CSMD1: variants seen among roughly 807,000 people sequenced by gnomAD.
CSMD1 encodes the protein CUB and sushi domain-containing protein 1.
In CSMD1, 213 loss-of-function variants were observed where a neutral mutation model predicts 417.5. The observed-to-expected ratio is 0.51, with a 90% CI of 0.46 to 0.57. CSMD1 has a LOEUF of 0.57. CSMD1 is among the 20% of genes least tolerant of loss of function. The pLI is 0.00. For missense variants in CSMD1, 6,923 were observed against 4,529.7 expected, an observed-to-expected ratio of 1.53 and a Z score of -15.17; for synonymous variants, 2,862 against 1,736.8, an observed-to-expected ratio of 1.65 and a Z score of -16.11.
intron 5 of CSMD1, among the ~76,000 whole-genome samples, chr8:3,926,289 G>C (rs1375892257): frequency 6.6e-6 from 1 of 152,054 alleles, no homozygotes; most frequent in African/African-American, 2.4e-5. Context: ...TACTCCCCTT[G>C]TGCCATGTAT....
chr8:3,843,677 C>T lies in CSMD1; in HGVS notation c.819-89635G>A, dbSNP rs556197461. Among the ~76,000 whole-genome samples, 10 of 152,224 alleles carry T rather than the reference C, an allele frequency of 6.6e-5. No homozygotes were observed. In the South Asian group the frequency reaches 8.3e-4, roughly 13 times the overall value. On this transcript the variant is annotated intron_variant, in intron 5 of 69. Coordinates refer to ENST00000635120, the MANE Select transcript of CSMD1 (RefSeq NM_033225.6). The stretch of plus-strand genomic sequence containing the variant: ...AAGAGACAGGCCACGGAGTGAGTGA[C>T]GGGAGCCCACAGTGGGTGGAACACA...
intron 3 of CSMD1, among the ~76,000 whole-genome samples, chr8:4,119,251 G>A (rs961168558): frequency 1.3e-5 from 2 of 151,892 alleles, no homozygotes; most frequent in African/African-American, 4.8e-5. Context: ...AGAACTTAAA[G>A]TAAAATTAAA....
rs533989810 is a variant in CSMD1 at position 3,409,232 on chromosome 8, G to C, written c.1744+191C>G. Among the ~76,000 whole-genome samples the C allele has an allele frequency of 3.3e-5, 5 of 152,310 alleles. No individual in the cohort carries two copies. The East Asian group carries it at 5.8e-4, about 18-fold the overall frequency. On this transcript the variant is annotated intron_variant, in intron 13 of 69. Transcript: ENST00000635120. ...GTAGATGTAATGAAACTATAAATTA[G>C]TTTTTACTAAATGAAGAAAGCAGGC...
intron 7 of CSMD1, among the ~76,000 whole-genome samples, chr8:3,691,159 G>A (rs375336822): frequency 5.7e-4 from 87 of 152,188 alleles, no homozygotes; most frequent in African/African-American, 2.0e-3. Flanking sequence ...CTGAGGTCAG[G>A]AGTTTGAGAC....
intron 41 of CSMD1, among the ~76,000 whole-genome samples, chr8:3,126,338 C>G (rs571504539): frequency 6.6e-6 from 1 of 152,156 alleles, no homozygotes; most frequent in African/African-American, 2.4e-5. Context: ...GCAAAGCCCT[C>G]GAGCAACTGC....
At chr8:3,250,165 G>C (rs895645746) in intron 26 of CSMD1, among the ~76,000 whole-genome samples, 1 of 152,092 alleles carries the variant, frequency 6.6e-6, no homozygotes, top group African/African-American at 2.4e-5. Context: ...CCATTAAGTC[G>C]TCATTTAACA....
rs557699504 is a variant in CSMD1 at position 3,496,994 on chromosome 8, C to CA, written c.1345-3269dup. ...TATTTCTAATTTTATCTGTTACAGT[C>CA]AAAAAATATACTTGATATGATTTAG... is the stretch of plus-strand genomic sequence containing the variant. On this transcript the variant is annotated intron_variant, in intron 10 of 69. Transcript: ENST00000635120. Among the ~76,000 whole-genome samples, 5 of 152,206 alleles carry CA rather than the reference C, an allele frequency of 3.3e-5. No individual in the cohort carries two copies. In the South Asian group the frequency reaches 1.0e-3, roughly 32 times the overall value.
chr8:4,936,718 A>G (rs554703912), intron 1 of CSMD1, among the ~76,000 whole-genome samples: 11 of 152,350 alleles, frequency 7.2e-5, no homozygotes, highest in South Asian at 2.1e-4. Flanking sequence ...TTAAACATCA[A>G]TGTTAATAGG....
intron 12 of CSMD1, among the ~76,000 whole-genome samples, chr8:3,442,537 C>G (rs1223638483): frequency 6.6e-6 from 1 of 152,162 alleles, no homozygotes; most frequent in Non-Finnish European, 1.5e-5. Flanking sequence ...TGTAGTATTA[C>G]AGTCACATGC....
intron 5 of CSMD1, among the ~76,000 whole-genome samples, chr8:3,901,595 G>A (rs1445313551): frequency 6.6e-6 from 1 of 152,200 alleles, no homozygotes; most frequent in East Asian, 1.9e-4. Context: ...TTGGGGCTCA[G>A]ATCTTTTGAT....
intron 4 of CSMD1, among the ~76,000 whole-genome samples, chr8:4,013,703 G>T (rs529043882): frequency 6.6e-6 from 1 of 152,144 alleles, no homozygotes; most frequent in African/African-American, 2.4e-5. Context: ...TCATATTGTA[G>T]CCCCAGCAGC....
chr8:3,699,701 C>A (rs1326562549), intron 7 of CSMD1, among the ~76,000 whole-genome samples: 1 of 152,130 alleles, frequency 6.6e-6, no homozygotes, highest in East Asian at 1.9e-4. Flanking sequence ...CTATAATTTC[C>A]CCTGGAGAAG....
chr8:4,454,678 T>A (rs1056444967), intron 2 of CSMD1, among the ~76,000 whole-genome samples: 11 of 152,200 alleles, frequency 7.2e-5, no homozygotes, highest in African/African-American at 2.7e-4. Flanking sequence ...TATCTTAGCA[T>A]GTTCTCTACA....
At chr8:3,561,929 C>T (rs1175645581) in intron 10 of CSMD1, among the ~76,000 whole-genome samples, 1 of 152,164 alleles carries the variant, frequency 6.6e-6, no homozygotes. Flanking sequence ...GCGAGGGATG[C>T]AGATGATCTC....
In CSMD1 at chr8:4,043,450, G is replaced by GGT. The variant is rs1258165311; in HGVS notation, c.416-11352_416-11351insAC. ...CCTGCAAGGTGCACATCATGATAAT[G>GGT]GATGAAAAATACACCCAGTGTTATG... On this transcript the variant is annotated intron_variant, in intron 3 of 69. Transcript: ENST00000635120. Among the ~76,000 whole-genome samples, 3 of 152,274 alleles carry GGT rather than the reference G, an allele frequency of 2.0e-5. No individual in the cohort carries two copies. In the East Asian group the frequency reaches 5.8e-4, roughly 29 times the overall value.
chr8:4,542,853 T>A (rs1307664503), intron 2 of CSMD1, among the ~76,000 whole-genome samples: 1 of 152,184 alleles, frequency 6.6e-6, no homozygotes, highest in East Asian at 1.9e-4. Context: ...AAAAAGTTTT[T>A]TTCACAGTAT....
chr8:3,480,395 T>A (rs561640445), intron 11 of CSMD1, among the ~76,000 whole-genome samples: 1 of 151,882 alleles, frequency 6.6e-6, no homozygotes, highest in South Asian at 2.1e-4. Context: ...GAAAAACGAA[T>A]AAAGCTTCAG....
In CSMD1 at chr8:4,284,368, C is replaced by T. The variant is rs887976829; in HGVS notation, c.415+135585G>A. Among the ~76,000 whole-genome samples, 66 of 139,952 alleles carry T rather than the reference C, an allele frequency of 4.7e-4. 1 individual carries two copies. The highest frequency in any genetic ancestry group is 1.6e-3 in the African/African-American group (61 of 38,402). 91.8% of individuals were successfully genotyped at this position (139,952 alleles called of 152,430 possible). Reference sequence around the variant, plus strand: ...GGGGGACAAGAGAGAAACTACAACCCCCCCCACCCACCCTCCCCAAAAAGA... The same window carrying T: ...GGGGGACAAGAGAGAAACTACAACCTCCCCCACCCACCCTCCCCAAAAAGA... On this transcript the variant is annotated intron_variant, in intron 3 of 69. Coordinates refer to ENST00000635120, the MANE Select transcript of CSMD1 (RefSeq NM_033225.6).
chr8:4,396,359 C>G (rs1355593039), intron 3 of CSMD1, among the ~76,000 whole-genome samples: 1 of 151,604 alleles, frequency 6.6e-6, no homozygotes, highest in Non-Finnish European at 1.5e-5. Context: ...CCCAGCTACT[C>G]AGGAAGCTGA....
Sources: allele counts gnomAD v4.1 joint callset (sites outside exome capture counted in the v4.1 genomes callset), GRCh38; gene constraint gnomAD v4.1.1; transcripts MANE v1.5; gene names NCBI Gene and HGNC (gene_info 2026-07-23, HGNC 2026-07-21).